KCNN3: variants seen among roughly 807,000 people sequenced by gnomAD.
KCNN3 encodes potassium calcium-activated channel subfamily N member 3, also known as small conductance calcium-activated potassium channel protein 3.
Under a neutral mutation model 62.9 loss-of-function variants are expected in KCNN3, and 16 were observed. The ratio of observed to expected loss-of-function variants is 0.25; its 90% CI spans 0.17 to 0.39. The LOEUF (loss-of-function observed/expected upper bound fraction) is 0.39, where lower values mean the gene tolerates loss of function less well. Ranked by LOEUF, KCNN3 falls within the 10% of genes least tolerant of loss-of-function variation. The pLI is 1.00. For synonymous variants in KCNN3, 370 were observed against 389.2 expected (o/e 0.95, Z 0.58); for missense variants, 599 against 949.4 (o/e 0.63, Z 4.85).
intron 2 of KCNN3, among the ~76,000 whole-genome samples, chr1:154,799,281 A>C (rs191995598): frequency 1.3e-5 from 2 of 152,298 alleles, no homozygotes; most frequent in Non-Finnish European, 2.9e-5. Flanking sequence ...AACTGAAAGG[A>C]AAAGAGGTCA....
At chr1:154,791,482 C>T (rs989240048) in intron 2 of KCNN3, among the ~76,000 whole-genome samples, 3 of 151,816 alleles carry the variant, frequency 2.0e-5, no homozygotes, top group South Asian at 2.1e-4. Flanking sequence ...CCCTGCACAC[C>T]GGAGAGTAAG....
chr1:154,862,776 G>A lies in KCNN3; in HGVS notation c.933+6256C>T, dbSNP rs151037407. 1.9e-3 allele frequency among the ~76,000 whole-genome samples: 292 copies of A among 152,136 alleles called. 2 individuals carry two copies. Among genetic ancestry groups the A allele is most frequent in the African/African-American group, 6.6e-3 (273 of 41,496 alleles). On this transcript the variant is annotated intron_variant, in intron 1 of 7. Coordinates refer to ENST00000271915, the MANE Select transcript of KCNN3 (RefSeq NM_002249.6). This position sits in a 1 kb window ranked among gnomAD's most constrained non-coding sequence, Gnocchi z 4.1. ...TCCAGGACCTGCGCCAGCATCTCCC[G>A]CCCTCCATCAAGCCCTTCCTGCCCA...
chr1:154,766,276 A>G (rs79296619), intron 3 of KCNN3, among the ~76,000 whole-genome samples: 2,235 of 151,660 alleles, frequency 0.015, 58 homozygotes, highest in African/African-American at 0.052. Context: ...ATCATAAACC[A>G]GTGGTTTGCA....
At chr1:154,851,177 C>T (rs1652285877) in intron 1 of KCNN3, among the ~76,000 whole-genome samples, 1 of 152,172 alleles carries the variant, frequency 6.6e-6, no homozygotes, top group African/African-American at 2.4e-5. Flanking sequence ...CGGGGTTTCA[C>T]CATGTTGGCC....
chr1:154,766,831 C>T (rs1648314426), intron 3 of KCNN3, among the ~76,000 whole-genome samples: 1 of 151,984 alleles, frequency 6.6e-6, no homozygotes, highest in Non-Finnish European at 1.5e-5. Context: ...AGGTGTGTGC[C>T]ACCATGCCCG....
intron 5 of KCNN3, among the ~76,000 whole-genome samples, chr1:154,718,988 G>A (rs528983424): frequency 4.7e-4 from 72 of 152,210 alleles, no homozygotes; most frequent in African/African-American, 1.7e-3. Flanking sequence ...GCTCTTGGCC[G>A]CAGCATCCCA....
At chr1:154,844,056 AGCAGGG>A (rs1651942764) in intron 1 of KCNN3, among the ~76,000 whole-genome samples, 1 of 152,226 alleles carries the variant, frequency 6.6e-6, no homozygotes, top group South Asian at 2.1e-4. Flanking sequence ...CCTCGGGACC[AGCAGGG>A]GCTTGCAGAA....
intron 6 of KCNN3, among the ~76,000 whole-genome samples, chr1:154,714,593 T>G (rs1315574483): frequency 9.2e-4 from 36 of 38,928 alleles, no homozygotes; most frequent in African/African-American, 2.3e-3. Context: ...GTGTATGGTG[T>G]GTGTGATGTG....
rs755495834 is a variant in KCNN3, at chr1:154,700,216, G to C, written c.*7760C>G. ...ATTTCTGGTGCATACAGGTCACCTG[G>C]GGATTTGTTAAAAGGCCAATTCTGA... On this transcript the variant is annotated 3_prime_UTR_variant, in exon 8 of 8. Transcript: ENST00000271915. 6.6e-6 allele frequency: 1 copy of C among 152,208 alleles called. No individual in the cohort carries two copies. The highest frequency in any genetic ancestry group is 2.1e-4 in the South Asian group (1 of 4,832). The allele number at this position is 152,208 out of a possible 1,614,324, so 9.4% of individuals were successfully genotyped here.
rs116268864 is a variant in KCNN3, at chr1:154,808,589, G to A, written c.1029+13500C>T. Among the ~76,000 whole-genome samples the A allele has an allele frequency of 5.3e-3, 810 of 152,256 alleles. 9 individuals carry two copies. The highest frequency in any genetic ancestry group is 0.018 in the African/African-American group (757 of 41,542). On this transcript the variant is annotated intron_variant, in intron 2 of 7. Coordinates refer to ENST00000271915, the MANE Select transcript of KCNN3 (RefSeq NM_002249.6). ...GGGCAGGGACCTTGCTGTCCCCACG[G>A]TGCCTGGCTCAGAACAGCCCTTCAA...
At chr1:154,771,915 T>C in intron 3 of KCNN3, 60 bp downstream of exon 3, 1 of 1,553,424 alleles carries the variant, frequency 6.4e-7, no homozygotes, top group Non-Finnish European at 8.9e-7. Flanking sequence ...GCACCCCTAC[T>C]CCTCCTCCCT....
intron 6 of KCNN3, among the ~76,000 whole-genome samples, chr1:154,714,612 G>GTGATGTGTGGGGT (rs1553227050): frequency 4.0e-5 from 1 of 24,822 alleles, no homozygotes; most frequent in Non-Finnish European, 1.0e-4. Flanking sequence ...TGTGGTGTGT[G>GTGATGTGTGGGGT]GTGTGTGTGT....
chr1:154,749,698 A>G (rs79986804), intron 3 of KCNN3, among the ~76,000 whole-genome samples: 2,095 of 152,274 alleles, frequency 0.014, 52 homozygotes, highest in African/African-American at 0.048. Flanking sequence ...ATAGAGAAAG[A>G]GAGGGACAGG....
intron 2 of KCNN3, among the ~76,000 whole-genome samples, chr1:154,804,617 C>A (rs944124230): frequency 1.3e-5 from 2 of 152,042 alleles, no homozygotes; most frequent in Non-Finnish European, 2.9e-5. Context: ...AGTAGGGAAT[C>A]GGTATCTGCT....
intron 2 of KCNN3, among the ~76,000 whole-genome samples, chr1:154,806,197 G>A (rs1363897367): frequency 6.6e-6 from 1 of 152,188 alleles, no homozygotes. Context: ...AGCTAAGAAG[G>A]GACCGTGGAC....
At chr1:154,755,427 C>G (rs917414812) in intron 3 of KCNN3, among the ~76,000 whole-genome samples, 3 of 143,330 alleles carry the variant, frequency 2.1e-5, no homozygotes, top group African/African-American at 7.7e-5. Context: ...TGTCATCATG[C>G]TATTGCATTC....
chr1:154,859,833 T>A, intron 1 of KCNN3: 1 of 1,607,806 alleles, frequency 6.2e-7, no homozygotes, highest in Non-Finnish European at 8.5e-7. Flanking sequence ...TCCTTTAAGC[T>A]GACTTTCCTG....
chr1:154,813,585 T>A (rs1476038038), intron 2 of KCNN3, among the ~76,000 whole-genome samples: 1 of 152,088 alleles, frequency 6.6e-6, no homozygotes, highest in Non-Finnish European at 1.5e-5. Flanking sequence ...CCTGAACTCC[T>A]GGAGCTAAGG....
Position 154,826,066 on chromosome 1 carries a change from AAC to A in KCNN3, c.934-3884_934-3883del, listed in dbSNP as rs1383560658. Among the ~76,000 whole-genome samples, 251 of 56,756 alleles carry A rather than the reference AAC, an allele frequency of 4.4e-3. 15 individuals are homozygous for A. The highest frequency in any genetic ancestry group is 0.018 in the African/African-American group (236 of 12,916). The allele number at this position is 56,756 out of a possible 152,430, so 37.2% of individuals were successfully genotyped here. On this transcript the variant is annotated intron_variant, in intron 1 of 7. Coordinates refer to ENST00000271915, the MANE Select transcript of KCNN3 (RefSeq NM_002249.6). ...CATCTTAAAAAAAAACAAAAACAAA[AAC>A]AAAAACAAAAACAAAAACAAAAAAA...
Sources: allele counts gnomAD v4.1 joint callset (sites outside exome capture counted in the v4.1 genomes callset), GRCh38; gene constraint gnomAD v4.1.1; non-coding constraint Gnocchi (gnomAD v3.1); transcripts MANE v1.5; gene names NCBI Gene and HGNC (gene_info 2026-07-23, HGNC 2026-07-21).